Variants in MCPH1 observed in about 807,000 individuals in gnomAD.
MCPH1 encodes microcephalin.
In MCPH1, 104 loss-of-function variants were observed where a neutral mutation model predicts 84.5. That is an observed-to-expected ratio of 1.23 (90% confidence interval 1.05 to 1.45). The LOEUF (loss-of-function observed/expected upper bound fraction) is 1.45. Ranked by LOEUF, MCPH1 falls within the 40% of genes most tolerant of loss-of-function variation. The probability of loss-of-function intolerance (pLI) is 0.00; values close to 1 mark genes in which losing one functional copy is unlikely to be tolerated. For missense variants in MCPH1, 1,498 were observed against 1,005.7 expected (o/e 1.49, Z -6.62); for synonymous variants, 514 against 366.8 (o/e 1.40, Z -4.58).
rs567238065 is a variant in MCPH1 at position 6,645,477 on chromosome 8, C to T, written c.*2428C>T. On this transcript the variant is annotated 3_prime_UTR_variant, in exon 14 of 14. Transcript: ENST00000344683. ...TATGGCTCTCACCACTGTTATTCAA[C>T]GTTGCATTAAAGTTTCTACCCAGAG... The T allele has an allele frequency of 7.6e-4, 116 of 151,870 alleles. No individual in the cohort carries two copies. The highest frequency in any genetic ancestry group is 2.7e-3 in the African/African-American group (110 of 41,420). The allele number at this position is 151,870 out of a possible 1,614,324, so 9.4% of individuals were successfully genotyped here.
intron 12 of MCPH1, chr8:6,514,593 G>C: frequency 8.3e-7 from 1 of 1,208,200 alleles, no homozygotes; most frequent in Non-Finnish European, 1.2e-6. Context: ...GTTAGTTTGG[G>C]ATTGGTGGTT....
At chr8:6,514,794 C>T in intron 12 of MCPH1, 2 of 1,611,530 alleles carry the variant, frequency 1.2e-6, no homozygotes, top group Non-Finnish European at 1.7e-6. Context: ...AACAGGAATG[C>T]AGGGTATAAG....
chr8:6,621,670 C>G lies in MCPH1; in HGVS notation c.2431C>G (p.Leu811Val), dbSNP rs752120382. 3 of 1,614,222 alleles carry G rather than the reference C, an allele frequency of 1.9e-6. No homozygotes were observed. The highest frequency in any genetic ancestry group is 1.6e-4 in the Middle Eastern group (1 of 6,062). ...SGKKKATVKY[L>V]SEKWVLDSIT... is the part of the protein sequence containing the mutation. ...AAAGAAGAAAGCCACAGTCAAGTAT[C>G]TGTCTGAGAAATGGGTCTTAGGTAA... Residue 811 changes from leucine to valine, a missense_variant, in exon 13 of 14, where the codon CTG becomes GTG. Transcript: ENST00000344683.
rs529995867 is a variant in MCPH1, at chr8:6,464,578, G to A, written c.1935+9326G>A. The stretch of plus-strand genomic sequence containing the variant: ...GTGGTAGAAATGAGGACCAGCCAGG[G>A]TGGATCTCCTGTGCCTCAGTGGTCG... On this transcript the variant is annotated intron_variant, in intron 9 of 13. Transcript: ENST00000344683. 5.3e-5 allele frequency among the ~76,000 whole-genome samples: 8 copies of A among 152,336 alleles called. No individual in the cohort carries two copies. The South Asian group carries it at 8.3e-4, about 16-fold the overall frequency.
chr8:6,410,256 G>A (rs757926489), intron 2 of MCPH1, among the ~76,000 whole-genome samples: 2 of 151,966 alleles, frequency 1.3e-5, no homozygotes, highest in African/African-American at 4.8e-5. Context: ...TTACAGGCAT[G>A]AGCCACCGAG....
chr8:6,588,258 T>A (rs908054570), intron 12 of MCPH1, among the ~76,000 whole-genome samples: 1 of 152,036 alleles, frequency 6.6e-6, no homozygotes, highest in Non-Finnish European at 1.5e-5. Flanking sequence ...GCATTCTTTT[T>A]CCAGAGCCAG....
At chr8:6,493,939 A>C (rs928379947) in intron 11 of MCPH1, among the ~76,000 whole-genome samples, 28 of 54,636 alleles carry the variant, frequency 5.1e-4, no homozygotes, top group African/African-American at 8.7e-4. Context: ...GGAAATAGTA[A>C]ATTTTTTTTT....
chr8:6,626,309 C>A, intron 13 of MCPH1: 2 of 985,242 alleles, frequency 2.0e-6, no homozygotes, highest in Non-Finnish European at 2.4e-6. Flanking sequence ...ATTTCATCTG[C>A]GCCGCGTTGC....
chr8:6,565,062 C>T (rs1164924266), intron 12 of MCPH1, among the ~76,000 whole-genome samples: 1 of 152,188 alleles, frequency 6.6e-6, no homozygotes. Flanking sequence ...CCGGACAGTG[C>T]ACCGTCGAAG....
At chr8:6,465,941 A>ATCCG (rs1445255575) in intron 9 of MCPH1, among the ~76,000 whole-genome samples, 5 of 111,158 alleles carry the variant, frequency 4.5e-5, no homozygotes, top group African/African-American at 1.7e-4. Flanking sequence ...CCATCCATCC[A>ATCCG]TCCATGCATC....
chr8:6,586,385 A>G (rs902244682), intron 12 of MCPH1, among the ~76,000 whole-genome samples: 1 of 152,092 alleles, frequency 6.6e-6, no homozygotes, highest in Admixed American at 6.5e-5. Flanking sequence ...CCCCACCTTT[A>G]AGGCTGGTCC....
intron 13 of MCPH1, among the ~76,000 whole-genome samples, chr8:6,634,577 A>G (rs1797405269): frequency 6.6e-6 from 1 of 152,242 alleles, no homozygotes; most frequent in South Asian, 2.1e-4. Context: ...TGCTGTTTTC[A>G]AAGAGTAAAT....
At position 6,643,007 on chromosome 8, in the gene MCPH1, G is replaced by A. The variant is rs35614690; in HGVS notation, c.2466G>A (p.Gln822=). 3,681 of 1,613,932 alleles carry A rather than the reference G, an allele frequency of 2.3e-3. 13 individuals carry two copies. The highest frequency in any genetic ancestry group is 2.8e-3 in the Non-Finnish European group (3,337 of 1,179,848). The change falls in exon 14 of 14, where the codon CAG becomes CAA. Residue 822 remains glutamine, a synonymous_variant. Transcript: ENST00000344683. ...CTCTCTCTCTAGATTCCATCACCCA[G>A]CACAAGGTCTGTGCCCCTGAAAACT... ...SEKWVLDSIT[Q]HKVCAPENYL... is the part of the protein sequence containing the mutation.
intron 12 of MCPH1, among the ~76,000 whole-genome samples, chr8:6,537,894 A>C (rs1023996346): frequency 3.3e-5 from 5 of 152,140 alleles, no homozygotes; most frequent in East Asian, 1.9e-4. Flanking sequence ...TTTCTATTTA[A>C]ATAAAATTCA....
At chr8:6,580,654 C>CACAAAA (rs1375370048) in intron 12 of MCPH1, among the ~76,000 whole-genome samples, 3 of 151,756 alleles carry the variant, frequency 2.0e-5, no homozygotes, top group Non-Finnish European at 4.4e-5. Flanking sequence ...CTATCTCAAC[C>CACAAAA]ACAAAAACAA....
At chr8:6,583,442 C>T (rs149546367) in intron 12 of MCPH1, among the ~76,000 whole-genome samples, 77 of 152,244 alleles carry the variant, frequency 5.1e-4, no homozygotes, top group African/African-American at 1.5e-3. Flanking sequence ...AGAATAAAAC[C>T]GACAAAATTC....
chr8:6,430,626 A>G (rs2129553929), intron 3 of MCPH1, among the ~76,000 whole-genome samples: 1 of 152,182 alleles, frequency 6.6e-6, no homozygotes, highest in Admixed American at 6.5e-5. Context: ...AGTGTACTTT[A>G]TTTTTTCAAA....
At chr8:6,587,068 T>C (rs1431369327) in intron 12 of MCPH1, among the ~76,000 whole-genome samples, 1 of 152,098 alleles carries the variant, frequency 6.6e-6, no homozygotes, top group African/African-American at 2.4e-5. Flanking sequence ...TTCTCGGTGT[T>C]GGAAATTGCC....
At chr8:6,477,376 C>G in intron 9 of MCPH1, 1 of 540,356 alleles carries the variant, frequency 1.9e-6, no homozygotes, top group Non-Finnish European at 3.3e-6. Context: ...TACCTCATGT[C>G]TGGATTATTT....
Sources: gnomAD v4.1 joint callset for allele counts (sites outside exome capture counted in the v4.1 genomes callset) on GRCh38, gnomAD v4.1.1 for gene constraint, MANE v1.5 for transcripts, NCBI Gene and HGNC (gene_info 2026-07-23, HGNC 2026-07-21) for gene names.